Variants in RPH3A observed in about 807,000 individuals in gnomAD.
RPH3A encodes rabphilin-3A.
Under a neutral mutation model 102.2 loss-of-function variants are expected in RPH3A, and 48 were observed. The observed-to-expected ratio is 0.47, with a 90% confidence interval of 0.37 to 0.60. The LOEUF (loss-of-function observed/expected upper bound fraction) is 0.60, where lower values mean the gene tolerates loss of function less well. Ranked by LOEUF, RPH3A falls within the 20% of genes least tolerant of loss-of-function variation. The probability of loss-of-function intolerance (pLI) is 0.00; values close to 1 mark genes in which losing one functional copy is unlikely to be tolerated. For synonymous variants in RPH3A, 310 were observed against 324.3 expected (o/e 0.96, Z 0.47); for missense variants, 781 against 910.1 (o/e 0.86, Z 1.83).
chr12:112,599,104 G>T (rs2039538992), intron 1 of RPH3A, among the ~76,000 whole-genome samples: 1 of 152,186 alleles, frequency 6.6e-6, no homozygotes, highest in Admixed American at 6.5e-5. Context: ...ACTGCCTGCT[G>T]CATAGGCTTT....
intron 1 of RPH3A, among the ~76,000 whole-genome samples, chr12:112,748,091 G>A (rs2040760721): frequency 6.6e-6 from 1 of 152,200 alleles, no homozygotes; most frequent in Non-Finnish European, 1.5e-5. Flanking sequence ...AAGATGGGGA[G>A]AAAAGACTTG....
At position 112,732,009 on chromosome 12, in the gene RPH3A, A is replaced by G. The variant is rs953447848; in HGVS notation, c.-139-60134A>G. Among the ~76,000 whole-genome samples, 8 of 152,258 alleles carry G rather than the reference A, an allele frequency of 5.3e-5. No individual in the cohort carries two copies. In the South Asian group the frequency reaches 6.2e-4, roughly 12 times the overall value. ...TTTCTCAAGTTCCAGCTTCGATCAG[A>G]TAACTATGTTTGATTAAACATCCTT... is the stretch of plus-strand genomic sequence containing the variant. On this transcript the variant is annotated intron_variant, in intron 1 of 21. Coordinates refer to the RPH3A transcript ENST00000543106.
chr12:112,802,703 A>G (rs1236878726), intron 2 of RPH3A, among the ~76,000 whole-genome samples: 2 of 151,752 alleles, frequency 1.3e-5, no homozygotes, highest in East Asian at 1.9e-4. Context: ...TTAAATGGCT[A>G]CTTCCCACTC....
intron 1 of RPH3A, among the ~76,000 whole-genome samples, chr12:112,610,016 C>A (rs560632534): frequency 6.6e-6 from 1 of 152,134 alleles, no homozygotes; most frequent in African/African-American, 2.4e-5. Context: ...CCACAAGGGA[C>A]GGAGTGATCT....
chr12:112,897,155 C>G lies in RPH3A; in HGVS notation c.*375C>G, dbSNP rs969585329. 1 of 192,238 alleles carries G rather than the reference C, an allele frequency of 5.2e-6. No homozygotes were observed. The highest frequency in any genetic ancestry group is 2.3e-5 in the African/African-American group (1 of 43,580). The allele number at this position is 192,238 out of a possible 1,614,324, so 11.9% of individuals were successfully genotyped here. On this transcript the variant is annotated 3_prime_UTR_variant, in exon 22 of 22. Transcript: ENST00000389385. ...TTGAACACACACATGTACACACACA[C>G]ACACACACACACACACACACCCTTT...
intron 5 of RPH3A, among the ~76,000 whole-genome samples, chr12:112,863,185 A>C: frequency 6.6e-6 from 1 of 152,198 alleles, no homozygotes; most frequent in East Asian, 1.9e-4. Flanking sequence ...CTTTCTAGAA[A>C]TGTAGCACCT....
At chr12:112,841,112 G>A (rs531979497) in intron 4 of RPH3A, among the ~76,000 whole-genome samples, 5 of 140,306 alleles carry the variant, frequency 3.6e-5, no homozygotes, top group African/African-American at 1.4e-4. Flanking sequence ...GAAGGCTGAG[G>A]TGGGAGGATT....
intron 1 of RPH3A, among the ~76,000 whole-genome samples, chr12:112,645,879 T>C (rs2039926287): frequency 6.6e-6 from 1 of 152,148 alleles, no homozygotes; most frequent in Non-Finnish European, 1.5e-5. Context: ...GGTGGTTTTA[T>C]AGAAGAGTGG....
In RPH3A at chr12:112,829,330, CTGG is replaced by C. The variant is rs532228018; in HGVS notation, c.71+944_71+946del. Among the ~76,000 whole-genome samples, 397 of 151,424 alleles carry C rather than the reference CTGG, an allele frequency of 2.6e-3. 2 individuals carry two copies. Among genetic ancestry groups the C allele is most frequent in the African/African-American group, 9.1e-3 (374 of 41,256 alleles). On this transcript the variant is annotated intron_variant, in intron 3 of 21. Coordinates refer to ENST00000389385, the MANE Select transcript of RPH3A (RefSeq NM_001143854.2). ...GCTCCTTTGCCCAGGCTGAAGCGTA[CTGG>C]TGCAATCATAACTCATTGCCTTGAC...
chr12:112,763,494 G>A (rs556367708), intron 1 of RPH3A, among the ~76,000 whole-genome samples: 65 of 152,318 alleles, frequency 4.3e-4, no homozygotes, highest in Middle Eastern at 3.4e-3. Context: ...AGGGCTTCCA[G>A]GTCATAGGTG....
chr12:112,776,035 G>C (rs1274286348), intron 1 of RPH3A, among the ~76,000 whole-genome samples: 1 of 152,100 alleles, frequency 6.6e-6, no homozygotes, highest in Non-Finnish European at 1.5e-5. Context: ...GTGCTGGGTG[G>C]TTTTTAAAAG....
Position 112,775,887 on chromosome 12 carries a change from C to A in RPH3A, c.-139-16256C>A, listed in dbSNP as rs565311444. 2.2e-4 allele frequency among the ~76,000 whole-genome samples: 33 copies of A among 152,208 alleles called. 1 individual carries two copies. In the South Asian group the frequency reaches 6.0e-3, roughly 28 times the overall value. On this transcript the variant is annotated intron_variant, in intron 1 of 21. Coordinates refer to the RPH3A transcript ENST00000543106. ...AGGGGTAGATTATAATTGTGTCAAACACATCTTTTATCTCTACTTACATTT... is the reference window on the plus strand; with the variant it reads ...AGGGGTAGATTATAATTGTGTCAAAAACATCTTTTATCTCTACTTACATTT...
rs544718539 is a variant in RPH3A, at chr12:112,742,599, A to G, written c.-139-49544A>G. 2.3e-4 allele frequency among the ~76,000 whole-genome samples: 35 copies of G among 152,330 alleles called. No homozygotes were observed. In the South Asian group the frequency reaches 7.0e-3, roughly 31 times the overall value. ...GGGCTGTTTTCGAAACAATGAATAC[A>G]GTCCAGGGAAACCAACAAGAAATAG... On this transcript the variant is annotated intron_variant, in intron 1 of 21. Transcript: ENST00000543106.
At chr12:112,696,927 C>T (rs1379395681) in intron 1 of RPH3A, among the ~76,000 whole-genome samples, 3 of 150,684 alleles carry the variant, frequency 2.0e-5, no homozygotes, top group East Asian at 1.9e-4. Flanking sequence ...TTTTTTTTTA[C>T]AGTAAACATG....
intron 1 of RPH3A, among the ~76,000 whole-genome samples, chr12:112,582,528 C>T (rs1310002346): frequency 1.4e-5 from 2 of 147,150 alleles, no homozygotes; most frequent in East Asian, 3.9e-4. Context: ...CTCACTGTAG[C>T]CTTGACCTCC....
At chr12:112,838,244 C>T (rs1177511484) in intron 4 of RPH3A, among the ~76,000 whole-genome samples, 3 of 152,172 alleles carry the variant, frequency 2.0e-5, no homozygotes, top group South Asian at 2.1e-4. Flanking sequence ...GTGGGGGACA[C>T]GGCATCTGCC....
intron 1 of RPH3A, among the ~76,000 whole-genome samples, chr12:112,737,508 A>G (rs2040677911): frequency 6.6e-6 from 1 of 152,172 alleles, no homozygotes; most frequent in Non-Finnish European, 1.5e-5. Flanking sequence ...TCTTCCCCAA[A>G]GGGAATCTGG....
intron 1 of RPH3A, among the ~76,000 whole-genome samples, chr12:112,617,042 C>T (rs2039685659): frequency 1.3e-5 from 2 of 152,196 alleles, no homozygotes; most frequent in South Asian, 4.1e-4. Flanking sequence ...TACAAGAAGA[C>T]AGTTTTTTCC....
At chr12:112,847,142 T>C (rs2042244390) in intron 4 of RPH3A, among the ~76,000 whole-genome samples, 2 of 152,066 alleles carry the variant, frequency 1.3e-5, no homozygotes, top group African/African-American at 4.8e-5. Context: ...TGGGCACCAA[T>C]AGATGTTATG....
Sources: gnomAD v4.1 joint callset for allele counts (sites outside exome capture counted in the v4.1 genomes callset) on GRCh38, gnomAD v4.1.1 for gene constraint, MANE v1.5 for transcripts, NCBI Gene and HGNC (gene_info 2026-07-23, HGNC 2026-07-21) for gene names.